RAD54B: variants seen among roughly 807,000 people sequenced by gnomAD.
RAD54B encodes the protein RAD54 homolog B, also known as DNA repair and recombination protein RAD54B.
In RAD54B, 78 loss-of-function variants were observed where a neutral mutation model predicts 95.8. That is an observed-to-expected ratio of 0.81 (90% CI 0.68 to 0.98). The LOEUF is 0.98. RAD54B is among the 50% of genes least tolerant of loss of function. RAD54B has a pLI of 0.00. For missense variants in RAD54B, 957 were observed against 1,056.6 expected (o/e 0.91, Z 1.31); for synonymous variants, 328 against 354.9 (o/e 0.92, Z 0.85).
intron 2 of RAD54B, among the ~76,000 whole-genome samples, chr8:94,461,533 AT>A (rs1361583641): frequency 5.3e-5 from 8 of 151,888 alleles, no homozygotes; most frequent in African/African-American, 1.7e-4. Flanking sequence ...AACCTGATAA[AT>A]TTTTTTTATA....
chr8:94,418,985 T>C (rs1438111557), intron 3 of RAD54B, among the ~76,000 whole-genome samples: 1 of 152,194 alleles, frequency 6.6e-6, no homozygotes, highest in Non-Finnish European at 1.5e-5. Context: ...TTTTTAAATG[T>C]ATCTTCATTT....
rs771220656 is a variant in RAD54B, at chr8:94,404,062, G to C, written c.944+15C>G. The C allele has an allele frequency of 5.1e-6, 8 of 1,558,038 alleles. No individual in the cohort carries two copies. In the African/African-American group the frequency reaches 9.6e-5, roughly 19 times the overall value. On this transcript the variant is annotated intron_variant, in intron 6 of 14. Coordinates refer to ENST00000336148, the MANE Select transcript of RAD54B (RefSeq NM_012415.3). ...AAAATTCAGATTAGATTAAACAAAT[G>C]ATTTATTTTCCTACCTCATTCCCAT...
intron 10 of RAD54B, 40 bp downstream of exon 10, chr8:94,391,569 C>T: frequency 1.3e-6 from 2 of 1,578,866 alleles, no homozygotes; most frequent in Non-Finnish European, 1.7e-6. Context: ...ACTATAGAAC[C>T]CTCATATCCC....
At chr8:94,436,706 C>T (rs1470510551) in intron 3 of RAD54B, 1 of 1,550,574 alleles carries the variant, frequency 6.4e-7, no homozygotes, top group East Asian at 2.4e-5. Flanking sequence ...ACTCCAATTG[C>T]ATTATAGTTA....
intron 3 of RAD54B, among the ~76,000 whole-genome samples, chr8:94,443,078 T>A (rs1327152548): frequency 6.6e-6 from 1 of 152,162 alleles, no homozygotes; most frequent in Non-Finnish European, 1.5e-5. Context: ...TTCTGTTAAA[T>A]CTCATGCTGA....
chr8:94,461,939 T>C (rs1040477703), intron 2 of RAD54B, among the ~76,000 whole-genome samples: 2 of 152,224 alleles, frequency 1.3e-5, no homozygotes, highest in Non-Finnish European at 2.9e-5. Context: ...ACGTCTGTTA[T>C]AGATTTTTCC....
chr8:94,435,016 TAC>T (rs1432350870), intron 3 of RAD54B, among the ~76,000 whole-genome samples: 2 of 151,938 alleles, frequency 1.3e-5, no homozygotes, highest in Admixed American at 6.6e-5. Context: ...TAACTAAAAT[TAC>T]AGTTTCTACA....
intron 1 of RAD54B, among the ~76,000 whole-genome samples, chr8:94,467,762 C>T (rs953818081): frequency 6.6e-6 from 1 of 152,116 alleles, no homozygotes; most frequent in African/African-American, 2.4e-5. Flanking sequence ...AGTACATGAG[C>T]AATATGATTA....
At chr8:94,455,206 T>C (rs541964943) in intron 3 of RAD54B, among the ~76,000 whole-genome samples, 1 of 152,290 alleles carries the variant, frequency 6.6e-6, no homozygotes, top group South Asian at 2.1e-4. Context: ...CTTGTGAAAT[T>C]ATTCTCTCAA....
At chr8:94,446,322 A>T (rs936576611) in intron 3 of RAD54B, among the ~76,000 whole-genome samples, 2 of 152,186 alleles carry the variant, frequency 1.3e-5, no homozygotes, top group Non-Finnish European at 2.9e-5. Context: ...ATGCCTTATT[A>T]ATCTTTGTCT....
Position 94,424,996 on chromosome 8 carries a change from A to G in RAD54B, c.305-13681T>C, listed in dbSNP as rs375118937. Among the ~76,000 whole-genome samples, 177 of 142,178 alleles carry G rather than the reference A, an allele frequency of 1.2e-3. 1 individual carries two copies. Among genetic ancestry groups the G allele is most frequent in the African/African-American group, 4.4e-3 (170 of 38,590 alleles). 93.3% of individuals were successfully genotyped at this position (142,178 alleles called of 152,430 possible). On this transcript the variant is annotated intron_variant, in intron 3 of 14. Transcript: ENST00000336148. The stretch of plus-strand genomic sequence containing the variant: ...TAGGTTGCTTGAGCCCAGGAGGTTG[A>G]GGCTCCAGTGAGCTGTGACTGTGCC...
chr8:94,417,818 G>A (rs1811713526), intron 3 of RAD54B, among the ~76,000 whole-genome samples: 2 of 152,152 alleles, frequency 1.3e-5, no homozygotes, highest in Admixed American at 6.5e-5. Flanking sequence ...TGGCATTCAT[G>A]GATTTAGAAA....
rs925051551 is a variant in RAD54B, at chr8:94,383,028, G to A, written c.1986-2622C>T. ...AAAGTCCCAGGATGCCGGGCACTGT[G>A]GCTCACACCTGTAATCCCAGCACTT... On this transcript the variant is annotated intron_variant, in intron 11 of 14. Coordinates refer to ENST00000336148, the MANE Select transcript of RAD54B (RefSeq NM_012415.3). Among the ~76,000 whole-genome samples the A allele has an allele frequency of 4.6e-5, 7 of 152,100 alleles. No individual in the cohort carries two copies. The East Asian group carries it at 1.3e-3, about 29-fold the overall frequency.
At chr8:94,458,212 G>C (rs1812820064) in intron 3 of RAD54B, 56 bp downstream of exon 3, 1 of 1,404,748 alleles carries the variant, frequency 7.1e-7, no homozygotes, top group Non-Finnish European at 9.6e-7. Flanking sequence ...ATCATTTAAA[G>C]AATACTGTAA....
At chr8:94,427,363 T>C (rs757407823) in intron 3 of RAD54B, among the ~76,000 whole-genome samples, 8 of 151,998 alleles carry the variant, frequency 5.3e-5, no homozygotes, top group Admixed American at 1.3e-4. Flanking sequence ...TTTATAAAAA[T>C]ATATTGAACA....
intron 2 of RAD54B, among the ~76,000 whole-genome samples, chr8:94,466,951 G>C (rs532839192): frequency 7.9e-5 from 12 of 152,204 alleles, no homozygotes; most frequent in Admixed American, 2.6e-4. Context: ...ATGAGACAGG[G>C]TCTTGCTGTG....
chr8:94,440,882 T>G (rs554669896), intron 3 of RAD54B, among the ~76,000 whole-genome samples: 1 of 152,302 alleles, frequency 6.6e-6, no homozygotes, highest in East Asian at 1.9e-4. Flanking sequence ...TGTTTTATAC[T>G]CAGTACCTGT....
chr8:94,387,417 T>C (rs1364866235), intron 10 of RAD54B: 1 of 285,200 alleles, frequency 3.5e-6, no homozygotes, highest in African/African-American at 2.2e-5. Flanking sequence ...AGTATTAATA[T>C]TTCCCACATG....
At chr8:94,406,422 T>A (rs1811389960) in intron 5 of RAD54B, among the ~76,000 whole-genome samples, 1 of 152,198 alleles carries the variant, frequency 6.6e-6, no homozygotes, top group Non-Finnish European at 1.5e-5. Context: ...GACAAAATAT[T>A]TGGACAAAAA....
Sources: gnomAD v4.1 joint callset for allele counts (sites outside exome capture counted in the v4.1 genomes callset) on GRCh38, gnomAD v4.1.1 for gene constraint, MANE v1.5 for transcripts, NCBI Gene and HGNC (gene_info 2026-07-23, HGNC 2026-07-21) for gene names.